The following ZP4 variants were observed in gnomAD, a reference collection of about 807,000 sequenced individuals.
ZP4 encodes the protein zona pellucida glycoprotein 4.
ZP4 carries 62 observed loss-of-function variants against 62.3 expected under a neutral mutation model. That is an observed-to-expected ratio of 0.99 (90% CI 0.81 to 1.23). ZP4 has a LOEUF of 1.23. Among genes scored for constraint, ZP4 ranks in the 50% most tolerant of loss-of-function variants. The pLI is 0.00. For synonymous variants in ZP4, 289 were observed against 247.3 expected (o/e 1.17, Z -1.58); for missense variants, 774 against 656.0 (o/e 1.18, Z -1.97).
intron 1 of ZP4, 58 bp from the exon 2 acceptor site, chr1:237,890,234 G>T: frequency 6.2e-7 from 1 of 1,610,584 alleles, no homozygotes; most frequent in Non-Finnish European, 8.5e-7. Context: ...TGCCAGAAAG[G>T]ATAGTCAGCC....
Position 237,887,492 on chromosome 1 carries a change from A to C in ZP4, c.623T>G (p.Leu208Arg). The change falls in exon 5 of 12, where the codon CTG becomes CGG. Residue 208 changes from leucine (L) to arginine (R), a missense_variant. Transcript: ENST00000366570. ...GGCCAAGCGCACAGAATCCAAGAGC[A>C]GTGGTGGCGAGGTCACGTTCCGAGA... The part of the protein sequence containing the change: ...AVSRNVTSPP[L>R]LLDSVRLALR... 6.2e-7 allele frequency: 1 copy of C among 1,614,248 alleles called. No individual in the cohort carries two copies. Among genetic ancestry groups the C allele is most frequent in the Non-Finnish European group, 8.5e-7 (1 of 1,180,036 alleles).
intron 10 of ZP4, among the ~76,000 whole-genome samples, chr1:237,883,718 G>GAAGAGA (rs1558530100): frequency 5.2e-5 from 1 of 19,130 alleles, no homozygotes; most frequent in Non-Finnish European, 9.2e-5. Context: ...GGAGGGCGGG[G>GAAGAGA]GAGGGCGGGG....
Position 237,886,848 on chromosome 1 carries a change from T to C in ZP4, c.762A>G (p.Val254=), listed in dbSNP as rs779306712. 2 of 1,614,072 alleles carry C rather than the reference T, an allele frequency of 1.2e-6. No homozygotes were observed. Among genetic ancestry groups the C allele is most frequent in the South Asian group, 1.1e-5 (1 of 91,076 alleles). Residue 254 remains valine (V), a synonymous_variant, in exon 6 of 12, where the codon GTA becomes GTG. Transcript: ENST00000366570. ...TAGTTGCCACCAGTTCATTTTCATA[T>C]ACTGCTCGGTCTCCAGTGATCTACA... ...TTRQITGDRA[V]YENELVATRD...
intron 1 of ZP4, 117 bp from the exon 2 acceptor site, chr1:237,890,293 A>C (rs1345035078): frequency 6.5e-7 from 1 of 1,548,262 alleles, no homozygotes; most frequent in East Asian, 2.3e-5. Flanking sequence ...AACAAGAGGG[A>C]AATCAGATTC....
Position 237,883,999 on chromosome 1 carries a change from C to CACAA in ZP4, c.1390+769_1390+770insTTGT, listed in dbSNP as rs1478149224. On this transcript the variant is annotated intron_variant, in intron 10 of 11. Coordinates refer to ENST00000366570, the MANE Select transcript of ZP4 (RefSeq NM_021186.5). The stretch of plus-strand genomic sequence containing the variant: ...ACACACACAAACACACACACACACA[C>CACAA]ACACACACACACACACAAACACACA... Among the ~76,000 whole-genome samples, 469 of 84,922 alleles carry CACAA rather than the reference C, an allele frequency of 5.5e-3. 7 individuals are homozygous for CACAA. The highest frequency in any genetic ancestry group is 0.024 in the African/African-American group (435 of 18,064). The allele number at this position is 84,922 out of a possible 152,430, so 55.7% of individuals were successfully genotyped here.
At chr1:237,884,023 C>CACAA (rs1553350872) in intron 10 of ZP4, among the ~76,000 whole-genome samples, 4,340 of 64,656 alleles carry the variant, frequency 0.067, 301 homozygotes, top group African/African-American at 0.13. Context: ...CACAAACACA[C>CACAA]ACACACACAA....
chr1:237,884,061 C>CAG (rs1396642229), intron 10 of ZP4, among the ~76,000 whole-genome samples: 1 of 140,958 alleles, frequency 7.1e-6, no homozygotes, highest in African/African-American at 2.9e-5. Context: ...CAAACACACA[C>CAG]AAACACACAC....
chr1:237,889,828 C>A, intron 3 of ZP4, 39 bp downstream of exon 3: 1 of 1,472,162 alleles, frequency 6.8e-7, no homozygotes, highest in Non-Finnish European at 9.5e-7. Context: ...ACCCCACCCC[C>A]ACCACCCCCA....
At position 237,888,493 on chromosome 1, in the gene ZP4, T is replaced by C. The variant is rs141504911; in HGVS notation, c.418A>G (p.Thr140Ala). ...GCTGGGATGGAGTCACACCAGTCAG[T>C]ATCTGGAGCATCTCGGGCTAGGTTT... ...MDLLARDAPD[T>A]DWCDSIPARD... The change falls in exon 4 of 12, where the codon ACT becomes GCT. Residue 140 changes from threonine (T) to alanine (A), a missense_variant. By Grantham distance (58) the Thr-to-Ala change is moderately conservative (BLOSUM62 0). Coordinates refer to ENST00000366570, the MANE Select transcript of ZP4 (RefSeq NM_021186.5). The C allele has an allele frequency of 1.1e-3, 1,728 of 1,600,678 alleles. 31 individuals are homozygous for C. The East Asian group carries it at 0.032, about 30-fold the overall frequency.
In ZP4 at chr1:237,889,944, C is replaced by T. The variant is rs575788051; in HGVS notation, c.323G>A (p.Gly108Glu). Reference protein sequence around the residue: ...EWDSHYIMPVGVEGAGAAEHK... With the variant: ...EWDSHYIMPVEVEGAGAAEHK... ...TTCAGCCGCGCCTGCTCCTTCAACT[C>T]CAACTGGCATGATGTAGTGGGAGTC... Residue 108 changes from glycine to glutamate, a missense_variant, in exon 3 of 12, where the codon GGA becomes GAA. Physicochemically the swap from Gly to Glu is moderately conservative, Grantham distance 98. Coordinates refer to ENST00000366570, the MANE Select transcript of ZP4 (RefSeq NM_021186.5). 1 of 1,613,998 alleles carries T rather than the reference C, an allele frequency of 6.2e-7. No individual in the cohort carries two copies. The highest frequency in any genetic ancestry group is 1.7e-5 in the Admixed American group (1 of 60,008).
chr1:237,890,086 G>C lies in ZP4; in HGVS notation c.266C>G (p.Ala89Gly), dbSNP rs1307126395. Residue 89 changes from alanine to glycine, a missense_variant, in exon 2 of 12, where the codon GCA (alanine) becomes GGA (glycine). Ala to Gly is a moderately conservative substitution (Grantham distance 60). Coordinates refer to ENST00000366570, the MANE Select transcript of ZP4 (RefSeq NM_021186.5). ...AGTGACATAGCAGCTGCTATAGGTT[G>C]CCTCCAACACCACGGAGCTGCCTGG... The part of the protein sequence containing the change: ...KGPGSSVVLE[A>G]TYSSCYVTEW... 4.3e-6 allele frequency: 7 copies of C among 1,614,022 alleles called. No individual in the cohort carries two copies. The highest frequency in any genetic ancestry group is 4.0e-5 in the African/African-American group (3 of 74,910).
Position 237,890,351 on chromosome 1 carries a change from C to CA in ZP4, c.175+109dup. 3 of 1,487,246 alleles carry CA rather than the reference C, an allele frequency of 2.0e-6. No homozygotes were observed. The South Asian group carries it at 3.8e-5, about 19-fold the overall frequency. The allele number at this position is 1,487,246 out of a possible 1,614,324, so 92.1% of individuals were successfully genotyped here. ...AGACTATTTCTTTTGCAGAAAGATG[C>CA]AACAGGGCTCAGAAGGTGAAAGTAT... On this transcript the variant is annotated intron_variant, in intron 1 of 11. Transcript: ENST00000366570.
At chr1:237,885,633 G>A in intron 7 of ZP4, 53 bp from the exon 8 acceptor site, 1 of 1,598,774 alleles carries the variant, frequency 6.3e-7, no homozygotes, top group East Asian at 2.2e-5. Flanking sequence ...GTGACTTGAG[G>A]GACTGTCACC....
chr1:237,885,690 G>A (rs1558532489), intron 7 of ZP4, 66 bp downstream of exon 7: 1 of 1,599,136 alleles, frequency 6.3e-7, no homozygotes, highest in Non-Finnish European at 8.5e-7. Context: ...ACTAACTTAG[G>A]GTCTTCATGC....
intron 3 of ZP4, 95 bp downstream of exon 3, chr1:237,889,772 G>T: frequency 9.6e-7 from 1 of 1,040,122 alleles, no homozygotes; most frequent in Non-Finnish European, 1.5e-6. Context: ...TTAGTGTCAG[G>T]TGTCACTGCA....
chr1:237,883,995 C>A (rs865953182), intron 10 of ZP4, among the ~76,000 whole-genome samples: 794 of 71,806 alleles, frequency 0.011, 14 homozygotes, highest in Admixed American at 0.015. Flanking sequence ...CACACACACA[C>A]ACACACACAC....
Position 237,886,888 on chromosome 1 carries a change from A to C in ZP4, c.742-20T>G, listed in dbSNP as rs990928835. The C allele has an allele frequency of 1.3e-6, 2 of 1,598,738 alleles. No individual in the cohort carries two copies. The highest frequency in any genetic ancestry group is 1.7e-6 in the Non-Finnish European group (2 of 1,166,668). On this transcript the variant is annotated intron_variant, in intron 5 of 11. Transcript: ENST00000366570. ...AGTGATCTACAGGAATAGATGGAGA[A>C]GTCTTGATCATTTCTGTTAGTGTTA...
intron 3 of ZP4, among the ~76,000 whole-genome samples, chr1:237,889,586 T>G (rs1665188615): frequency 1.3e-5 from 2 of 152,114 alleles, no homozygotes; most frequent in African/African-American, 4.8e-5. Flanking sequence ...GTGCTGTGAT[T>G]ACAGGTGTGA....
chr1:237,889,234 T>C (rs1397314208), intron 3 of ZP4, among the ~76,000 whole-genome samples: 1 of 152,142 alleles, frequency 6.6e-6, no homozygotes, highest in Non-Finnish European at 1.5e-5. Context: ...CTCCTGGTTC[T>C]GGGAGAGTTC....
Sources: allele counts gnomAD v4.1 joint callset (sites outside exome capture counted in the v4.1 genomes callset), GRCh38; gene constraint gnomAD v4.1.1; transcripts MANE v1.5; gene names NCBI Gene and HGNC (gene_info 2026-07-23, HGNC 2026-07-21).